The following EPHA6 variants were observed in gnomAD, a reference collection of about 807,000 sequenced individuals.
EPHA6 encodes ephrin type-A receptor 6.
A neutral mutation model predicts 112.0 loss-of-function variants in EPHA6; 50 were observed. The ratio of observed to expected loss-of-function variants is 0.45; its 90% CI spans 0.36 to 0.56. The LOEUF is 0.56. EPHA6 is among the 20% of genes least tolerant of loss of function. EPHA6 has a pLI of 0.00. For missense variants in EPHA6, 1,280 were observed against 1,417.4 expected (o/e 0.90, Z 1.56); for synonymous variants, 529 against 490.7 (o/e 1.08, Z -1.03).
chr3:97,029,492 C>G (rs139350415), intron 3 of EPHA6, among the ~76,000 whole-genome samples: 1 of 151,960 alleles, frequency 6.6e-6, no homozygotes, highest in African/African-American at 2.4e-5. Flanking sequence ...AAAATACATA[C>G]TGAAGCACAA....
intron 4 of EPHA6, among the ~76,000 whole-genome samples, chr3:97,235,155 T>A (rs899857892): frequency 6.6e-6 from 1 of 152,166 alleles, no homozygotes; most frequent in Non-Finnish European, 1.5e-5. Flanking sequence ...TGCTTTCTTT[T>A]TTATAGATTA....
intron 5 of EPHA6, among the ~76,000 whole-genome samples, chr3:97,269,483 C>T (rs2079809375): frequency 6.6e-6 from 1 of 152,152 alleles, no homozygotes; most frequent in African/African-American, 2.4e-5. Context: ...GGGGTGGACC[C>T]TGAACAGCTT....
At chr3:96,923,939 G>T (rs1166317669) in intron 2 of EPHA6, among the ~76,000 whole-genome samples, 1 of 151,950 alleles carries the variant, frequency 6.6e-6, no homozygotes, top group African/African-American at 2.4e-5. Context: ...CGATGGCTTA[G>T]TTGTGTGATC....
intron 11 of EPHA6, among the ~76,000 whole-genome samples, chr3:97,580,617 G>T (rs2093428473): frequency 6.6e-6 from 1 of 152,170 alleles, no homozygotes; most frequent in African/African-American, 2.4e-5. Flanking sequence ...ACAGCAAGGG[G>T]CTGGAAGATG....
At chr3:96,890,778 T>A (rs1467816492) in intron 2 of EPHA6, among the ~76,000 whole-genome samples, 1 of 152,200 alleles carries the variant, frequency 6.6e-6, no homozygotes, top group Non-Finnish European at 1.5e-5. Context: ...TGGCAATATC[T>A]ATTAAATCTT....
intron 3 of EPHA6, among the ~76,000 whole-genome samples, chr3:97,221,620 A>C (rs1341181427): frequency 6.6e-6 from 1 of 152,174 alleles, no homozygotes; most frequent in Non-Finnish European, 1.5e-5. Flanking sequence ...TTATAACCCA[A>C]TTCTAACAAA....
At chr3:97,100,670 T>A (rs983874728) in intron 3 of EPHA6, among the ~76,000 whole-genome samples, 3 of 151,932 alleles carry the variant, frequency 2.0e-5, no homozygotes, top group African/African-American at 7.2e-5. Flanking sequence ...TAACTGAAGG[T>A]ACGTGTTCCA....
At chr3:97,170,819 C>T (rs555682198) in intron 3 of EPHA6, among the ~76,000 whole-genome samples, 1 of 152,220 alleles carries the variant, frequency 6.6e-6, no homozygotes, top group Admixed American at 6.5e-5. Context: ...AGGAGTTATA[C>T]ATATGCACTC....
intron 3 of EPHA6, among the ~76,000 whole-genome samples, chr3:97,197,565 C>T (rs2077473386): frequency 6.6e-6 from 1 of 151,802 alleles, no homozygotes; most frequent in South Asian, 2.1e-4. Context: ...ACAATGTTCT[C>T]TCCTTTCCCC....
intron 3 of EPHA6, among the ~76,000 whole-genome samples, chr3:97,114,154 CTCT>C (rs1480501691): frequency 2.0e-5 from 3 of 152,056 alleles, no homozygotes; most frequent in East Asian, 3.9e-4. Flanking sequence ...TGAACAAGAC[CTCT>C]TCTTCTTTAT....
chr3:97,747,410 T>G lies in EPHA6; in HGVS notation c.3129-13T>G. ...ATGCTCTCCATGTTTTGTTTTGTTT[T>G]GTTTTCTTACAGAATGCCAGAGTCC... On this transcript the variant is annotated splice_polypyrimidine_tract_variant and intron_variant, in intron 16 of 17. Coordinates refer to ENST00000389672, the MANE Select transcript of EPHA6 (RefSeq NM_001080448.3). The G allele has an allele frequency of 6.6e-7, 1 of 1,517,050 alleles. No individual in the cohort carries two copies. The highest frequency in any genetic ancestry group is 1.3e-5 in the South Asian group (1 of 77,944). 94.0% of individuals were successfully genotyped at this position (1,517,050 alleles called of 1,614,324 possible). A position where few individuals can be genotyped will look rare whatever the true frequency, so the allele number is the denominator to read the frequency against.
At chr3:97,029,943 G>C (rs751673706) in intron 3 of EPHA6, among the ~76,000 whole-genome samples, 1 of 151,968 alleles carries the variant, frequency 6.6e-6, no homozygotes, top group Non-Finnish European at 1.5e-5. Flanking sequence ...TTGGTACTGC[G>C]TCTCCAGGTT....
chr3:96,878,141 T>C (rs2037085796), intron 2 of EPHA6, among the ~76,000 whole-genome samples: 3 of 151,984 alleles, frequency 2.0e-5, no homozygotes, highest in African/African-American at 7.2e-5. Context: ...TCATATTCAT[T>C]ATAAATATCA....
chr3:97,591,133 T>C (rs2093540295), intron 11 of EPHA6, among the ~76,000 whole-genome samples: 2 of 152,182 alleles, frequency 1.3e-5, no homozygotes, highest in African/African-American at 4.8e-5. Context: ...ACAACAAAAC[T>C]AGTTTATTCA....
intron 3 of EPHA6, among the ~76,000 whole-genome samples, chr3:97,143,667 A>AAT (rs770365778): frequency 6.6e-6 from 1 of 151,798 alleles, no homozygotes; most frequent in Non-Finnish European, 1.5e-5. Flanking sequence ...ATCAAGAAGC[A>AAT]ATATATAGTA....
intron 1 of EPHA6, among the ~76,000 whole-genome samples, chr3:96,821,292 G>A (rs2033234362): frequency 6.6e-6 from 1 of 151,772 alleles, no homozygotes; most frequent in African/African-American, 2.4e-5. Flanking sequence ...CTGTTTTTTA[G>A]AAAATTCATA....
At chr3:97,294,937 G>A (rs963109819) in intron 5 of EPHA6, among the ~76,000 whole-genome samples, 7 of 152,082 alleles carry the variant, frequency 4.6e-5, no homozygotes, top group Admixed American at 2.0e-4. Flanking sequence ...TTTCTTTAGA[G>A]AAATCTGATG....
chr3:97,279,874 C>T (rs543476277), intron 5 of EPHA6, among the ~76,000 whole-genome samples: 10 of 151,816 alleles, frequency 6.6e-5, no homozygotes, highest in African/African-American at 2.2e-4. Flanking sequence ...TTTCTTTTTT[C>T]TTGTTGTTCG....
At chr3:97,184,538 C>A (rs569045005) in intron 3 of EPHA6, among the ~76,000 whole-genome samples, 1 of 152,206 alleles carries the variant, frequency 6.6e-6, no homozygotes, top group South Asian at 2.1e-4. Flanking sequence ...AGGAGAACTA[C>A]AAACTACTGC....
Sources: gnomAD v4.1 joint callset for allele counts (sites outside exome capture counted in the v4.1 genomes callset) on GRCh38, gnomAD v4.1.1 for gene constraint, MANE v1.5 for transcripts, NCBI Gene and HGNC (gene_info 2026-07-23, HGNC 2026-07-21) for gene names.